The following VPS50 variants were observed in gnomAD, a reference collection of about 807,000 sequenced individuals.
VPS50 encodes syndetin.
In VPS50, 70 loss-of-function variants were observed where a neutral mutation model predicts 139.7. The observed-to-expected ratio is 0.50, with a 90% confidence interval of 0.41 to 0.61. The LOEUF (loss-of-function observed/expected upper bound fraction) is 0.61, where lower values mean the gene tolerates loss of function less well. Among genes scored for constraint, VPS50 ranks in the 20% least tolerant of loss-of-function variants. The pLI is 0.00. For missense variants in VPS50, 921 were observed against 1,133.7 expected (o/e 0.81, Z 2.69); for synonymous variants, 365 against 376.7 (o/e 0.97, Z 0.36).
At chr7:93,289,684 T>C (rs930645888) in intron 12 of VPS50, among the ~76,000 whole-genome samples, 1 of 152,096 alleles carries the variant, frequency 6.6e-6, no homozygotes, top group Non-Finnish European at 1.5e-5. Flanking sequence ...AGTTTATTCT[T>C]ACGTATTCTG....
intron 9 of VPS50, among the ~76,000 whole-genome samples, chr7:93,262,979 T>C (rs1795730601): frequency 6.6e-6 from 1 of 152,256 alleles, no homozygotes; most frequent in Admixed American, 6.5e-5. Flanking sequence ...ATAAAAGACA[T>C]TGTTATTCTA....
At chr7:93,256,707 G>T in intron 5 of VPS50, 145 bp downstream of exon 5, 1 of 497,620 alleles carries the variant, frequency 2.0e-6, no homozygotes, top group South Asian at 2.9e-5. Flanking sequence ...GTATATGTAT[G>T]TATGTATATT....
intron 2 of VPS50, chr7:93,246,157 TA>T: frequency 7.4e-7 from 1 of 1,354,110 alleles, no homozygotes; most frequent in Non-Finnish European, 1.0e-6. Context: ...GTTTTCCCTA[TA>T]ACAGAATAGA....
chr7:93,353,334 A>G (rs1798609873), intron 25 of VPS50, among the ~76,000 whole-genome samples: 1 of 152,172 alleles, frequency 6.6e-6, no homozygotes, highest in Non-Finnish European at 1.5e-5. Context: ...ATTCATCTGT[A>G]CTGACAACCA....
At position 93,305,971 on chromosome 7, in the gene VPS50, T is replaced by C. The variant is rs1797104641; in HGVS notation, c.1596T>C (p.Asp532=). The C allele has an allele frequency of 1.2e-6, 2 of 1,612,402 alleles. No homozygotes were observed. Among genetic ancestry groups the C allele is most frequent in the Non-Finnish European group, 1.7e-6 (2 of 1,178,704 alleles). Residue 532 remains aspartate (D), a synonymous_variant, in exon 18 of 28, where the codon GAT becomes GAC. Coordinates refer to ENST00000305866, the MANE Select transcript of VPS50 (RefSeq NM_017667.4). ...TTGAAATTCAGGCCAACCACAAAGA[T>C]GAAGAAACAGAAGATGTCTTAGCTT... is the stretch of plus-strand genomic sequence containing the variant. ...NPFEIQANHK[D]EETEDVLASN...
At chr7:93,246,314 T>A (rs1238569780) in intron 2 of VPS50, among the ~76,000 whole-genome samples, 1 of 151,810 alleles carries the variant, frequency 6.6e-6, no homozygotes, top group East Asian at 1.9e-4. Context: ...CATTCTGCCA[T>A]TGAGTTATAT....
chr7:93,262,031 G>C (rs1183115249), intron 9 of VPS50, among the ~76,000 whole-genome samples: 1 of 152,180 alleles, frequency 6.6e-6, no homozygotes, highest in East Asian at 1.9e-4. Flanking sequence ...GACAGATGCA[G>C]AATTAAGAAG....
intron 23 of VPS50, among the ~76,000 whole-genome samples, chr7:93,342,250 G>T (rs190987401): frequency 6.6e-6 from 1 of 152,316 alleles, no homozygotes; most frequent in East Asian, 1.9e-4. Flanking sequence ...ACTCCCACCC[G>T]AATACTGTGC....
chr7:93,316,711 C>G (rs1164911232), intron 20 of VPS50, among the ~76,000 whole-genome samples: 2 of 152,136 alleles, frequency 1.3e-5, no homozygotes, highest in Non-Finnish European at 2.9e-5. Flanking sequence ...AGAGGTACCT[C>G]TGGGACATTT....
At chr7:93,277,382 C>T (rs546300728) in intron 12 of VPS50, among the ~76,000 whole-genome samples, 1 of 152,332 alleles carries the variant, frequency 6.6e-6, no homozygotes, top group African/African-American at 2.4e-5. Context: ...TCACTGGAGA[C>T]ATCCTTGAGT....
intron 2 of VPS50, 59 bp from the exon 3 acceptor site, chr7:93,252,594 C>T (rs1455497815): frequency 5.4e-6 from 6 of 1,109,516 alleles, no homozygotes; most frequent in African/African-American, 1.6e-5. Flanking sequence ...CATTTATTTC[C>T]ATGCAGATAT....
chr7:93,291,627 G>T, intron 12 of VPS50, 76 bp from the exon 13 acceptor site: 2 of 742,332 alleles, frequency 2.7e-6, no homozygotes, highest in South Asian at 9.2e-5. Context: ...GAATATATTT[G>T]ATTAATAACC....
chr7:93,319,950 C>A (rs1797551571), intron 20 of VPS50, among the ~76,000 whole-genome samples: 1 of 151,472 alleles, frequency 6.6e-6, no homozygotes, highest in South Asian at 2.1e-4. Flanking sequence ...TTTGGATAAT[C>A]TTTTATTACT....
intron 2 of VPS50, among the ~76,000 whole-genome samples, chr7:93,240,719 T>C (rs1310017906): frequency 6.6e-6 from 1 of 152,176 alleles, no homozygotes; most frequent in African/African-American, 2.4e-5. Flanking sequence ...GCATCAGGCA[T>C]TTGAATACAC....
At chr7:93,248,613 A>G (rs1306602187) in intron 2 of VPS50, among the ~76,000 whole-genome samples, 3 of 152,026 alleles carry the variant, frequency 2.0e-5, no homozygotes, top group Non-Finnish European at 2.9e-5. Flanking sequence ...TCTTATATTC[A>G]TTTTTTGCAA....
chr7:93,341,297 A>C lies in VPS50; in HGVS notation c.2059-130A>C, dbSNP rs375525513. 16 of 596,328 alleles carry C rather than the reference A, an allele frequency of 2.7e-5. No individual in the cohort carries two copies. In the East Asian group the frequency reaches 4.2e-4, roughly 15 times the overall value. The allele number at this position is 596,328 out of a possible 1,614,324, so 36.9% of individuals were successfully genotyped here. On this transcript the variant is annotated intron_variant, in intron 22 of 27. Coordinates refer to ENST00000305866, the MANE Select transcript of VPS50 (RefSeq NM_017667.4). ...TTACAAACATGAAAGCAGGATAAAA[A>C]GAACTGAACCTAAATGTAATTAACG...
intron 18 of VPS50, among the ~76,000 whole-genome samples, 154 bp from the exon 19 acceptor site, chr7:93,308,670 A>G (rs1156940064): frequency 6.6e-6 from 1 of 151,972 alleles, no homozygotes; most frequent in Non-Finnish European, 1.5e-5. Flanking sequence ...ACAATGGAAG[A>G]ATAATTAGAT....
At chr7:93,322,725 G>A (rs10280719) in intron 20 of VPS50, among the ~76,000 whole-genome samples, 2,283 of 151,696 alleles carry the variant, frequency 0.015, 51 homozygotes, top group African/African-American at 0.053. Flanking sequence ...AAGATCTTCT[G>A]TAGAAGAAAG....
intron 20 of VPS50, among the ~76,000 whole-genome samples, chr7:93,312,345 G>A (rs1370934224): frequency 1.3e-5 from 2 of 152,158 alleles, no homozygotes; most frequent in Non-Finnish European, 2.9e-5. Flanking sequence ...AATTGGGAGA[G>A]TGCTGAGTGG....
Sources: allele counts gnomAD v4.1 joint callset (sites outside exome capture counted in the v4.1 genomes callset), GRCh38; gene constraint gnomAD v4.1.1; transcripts MANE v1.5; gene names NCBI Gene and HGNC (gene_info 2026-07-23, HGNC 2026-07-21).